The following ACVR1 variants were observed in gnomAD, a reference collection of about 807,000 sequenced individuals.
The protein encoded by ACVR1 is activin A receptor type 1.
A neutral mutation model predicts 57.1 loss-of-function variants in ACVR1; 38 were observed. The ratio of observed to expected loss-of-function variants is 0.67; its 90% CI spans 0.51 to 0.87. The LOEUF (loss-of-function observed/expected upper bound fraction) is 0.87. Among genes scored for constraint, ACVR1 ranks in the 40% least tolerant of loss-of-function variants. ACVR1 has a pLI of 0.00. For synonymous variants in ACVR1, 212 were observed against 228.1 expected, an observed-to-expected ratio of 0.93 and a Z score of 0.63; for missense variants, 463 against 638.2, an observed-to-expected ratio of 0.73 and a Z score of 2.96.
At chr2:157,754,077 A>G (rs1685320891) in intron 9 of ACVR1, among the ~76,000 whole-genome samples, 1 of 152,226 alleles carries the variant, frequency 6.6e-6, no homozygotes, top group Non-Finnish European at 1.5e-5. Context: ...ATAGTGACAC[A>G]ACCTAACAAA....
chr2:157,811,806 CA>C (rs1445247480), intron 2 of ACVR1, among the ~76,000 whole-genome samples: 7 of 138,118 alleles, frequency 5.1e-5, no homozygotes, highest in Admixed American at 1.4e-4. Flanking sequence ...ACAACAACAA[CA>C]AAAAGAAGGA....
At chr2:157,818,061 G>C (rs78919352) in intron 2 of ACVR1, among the ~76,000 whole-genome samples, 6,461 of 151,486 alleles carry the variant, frequency 0.043, 502 homozygotes, top group African/African-American at 0.15. Context: ...AAGGTGAAAA[G>C]GATGGCAGGG....
intron 3 of ACVR1, among the ~76,000 whole-genome samples, chr2:157,796,435 TC>T (rs1215795648): frequency 6.6e-6 from 1 of 151,920 alleles, no homozygotes; most frequent in East Asian, 1.9e-4. Flanking sequence ...AAGCCTGTGG[TC>T]CCAGCTACTC....
intron 1 of ACVR1, among the ~76,000 whole-genome samples, chr2:157,820,367 T>C (rs1180722293): frequency 6.6e-6 from 1 of 152,192 alleles, no homozygotes; most frequent in Non-Finnish European, 1.5e-5. Context: ...CAGGGAAATC[T>C]GGCAGATTCA....
chr2:157,784,983 C>G (rs1686662496), intron 3 of ACVR1, among the ~76,000 whole-genome samples: 1 of 152,232 alleles, frequency 6.6e-6, no homozygotes, highest in African/African-American at 2.4e-5. Flanking sequence ...GTGGACTTAC[C>G]TATTCACGCC....
rs1253521045 is a variant in ACVR1, at chr2:157,875,873, C to CGCGGG, written c.-265_-261dup. The CGCGGG allele has an allele frequency of 6.8e-6, 1 of 147,020 alleles. No homozygotes were observed. The highest frequency in any genetic ancestry group is 1.5e-5 in the Non-Finnish European group (1 of 65,950). The allele number at this position is 147,020 out of a possible 1,614,324, so 9.1% of individuals were successfully genotyped here. A position where few individuals can be genotyped will look rare whatever the true frequency, so the allele number is the denominator to read the frequency against. On this transcript the variant is annotated 5_prime_UTR_variant, in exon 1 of 11. Transcript: ENST00000434821. ...AGCCGGGCGCTGCAGGTCGGCGCGG[C>CGCGGG]GCGGGGCGGCGCGGGGCGGGGCGGG...
chr2:157,839,226 G>C (rs755605095), intron 1 of ACVR1, among the ~76,000 whole-genome samples: 1 of 152,134 alleles, frequency 6.6e-6, no homozygotes, highest in South Asian at 2.1e-4. Flanking sequence ...TCTCACAGTG[G>C]GAGTCTTGAG....
chr2:157,861,441 T>C (rs1181581404), intron 1 of ACVR1, among the ~76,000 whole-genome samples: 1 of 152,224 alleles, frequency 6.6e-6, no homozygotes, highest in Non-Finnish European at 1.5e-5. Flanking sequence ...GGAGACAGAA[T>C]GAGATTCTAT....
chr2:157,798,186 C>T (rs921921670), intron 3 of ACVR1, among the ~76,000 whole-genome samples: 12 of 151,208 alleles, frequency 7.9e-5, no homozygotes, highest in African/African-American at 2.7e-4. Context: ...CAGCACCTAA[C>T]CCTGTCATAC....
chr2:157,786,856 G>A (rs1686731475), intron 3 of ACVR1, among the ~76,000 whole-genome samples: 1 of 152,064 alleles, frequency 6.6e-6, no homozygotes, highest in African/African-American at 2.4e-5. Context: ...AGCTGCCCCT[G>A]CTCCTTGCTG....
At chr2:157,824,445 G>T (rs944325730) in intron 1 of ACVR1, among the ~76,000 whole-genome samples, 1 of 152,162 alleles carries the variant, frequency 6.6e-6, no homozygotes, top group African/African-American at 2.4e-5. Context: ...TCCAGCCTGG[G>T]CAACAGAGCA....
chr2:157,870,910 G>A (rs1690096473), intron 1 of ACVR1, among the ~76,000 whole-genome samples: 1 of 152,130 alleles, frequency 6.6e-6, no homozygotes, highest in African/African-American at 2.4e-5. Context: ...ACAGTGACTG[G>A]TATCATCTTG....
intron 10 of ACVR1, 32 bp from the exon 11 acceptor site, chr2:157,737,697 CA>C (rs1233069329): frequency 6.2e-7 from 1 of 1,613,984 alleles, no homozygotes; most frequent in Non-Finnish European, 8.5e-7. Context: ...ACCACAATGA[CA>C]AACTGGCTTT....
At chr2:157,805,669 G>C (rs886579040) in intron 2 of ACVR1, among the ~76,000 whole-genome samples, 15 of 151,970 alleles carry the variant, frequency 9.9e-5, no homozygotes, top group Non-Finnish European at 1.5e-5. Context: ...AGGTCAAACC[G>C]CAAACCACCA....
At chr2:157,803,009 A>G (rs1687381851) in intron 2 of ACVR1, among the ~76,000 whole-genome samples, 1 of 152,156 alleles carries the variant, frequency 6.6e-6, no homozygotes, top group African/African-American at 2.4e-5. Flanking sequence ...CTGCAAAGGA[A>G]TGGCAAGATT....
chr2:157,748,807 A>G (rs544630702), intron 9 of ACVR1, among the ~76,000 whole-genome samples: 1 of 152,276 alleles, frequency 6.6e-6, no homozygotes, highest in South Asian at 2.1e-4. Flanking sequence ...AAACTATATA[A>G]ATTACCCCAA....
intron 6 of ACVR1, among the ~76,000 whole-genome samples, chr2:157,773,727 T>C (rs1356760134): frequency 6.6e-6 from 1 of 152,162 alleles, no homozygotes; most frequent in Non-Finnish European, 1.5e-5. Context: ...AATTAAAGAA[T>C]TGCAATAAAG....
At chr2:157,875,174 C>T (rs748440812) in intron 1 of ACVR1, 1 of 152,214 alleles carries the variant, frequency 6.6e-6, no homozygotes, top group Non-Finnish European at 1.5e-5. Context: ...GGGTTTTAAA[C>T]TTGGCAAAGT....
chr2:157,754,027 A>C (rs1685317074), intron 9 of ACVR1, among the ~76,000 whole-genome samples: 1 of 152,236 alleles, frequency 6.6e-6, no homozygotes, highest in Non-Finnish European at 1.5e-5. Flanking sequence ...CAACAATGAA[A>C]TCAAGATGGA....
Sources: gnomAD v4.1 joint callset for allele counts (sites outside exome capture counted in the v4.1 genomes callset) on GRCh38, gnomAD v4.1.1 for gene constraint, MANE v1.5 for transcripts, NCBI Gene and HGNC (gene_info 2026-07-23, HGNC 2026-07-21) for gene names.